IDE: variants seen among roughly 807,000 people sequenced by gnomAD.
The protein encoded by IDE is insulin-degrading enzyme.
Under a neutral mutation model 133.2 loss-of-function variants are expected in IDE, and 58 were observed. The ratio of observed to expected loss-of-function variants is 0.44; its 90% CI spans 0.35 to 0.54. The LOEUF is 0.54. Ranked by LOEUF, IDE falls within the 20% of genes least tolerant of loss-of-function variation. The pLI, the probability that IDE is intolerant of heterozygous loss-of-function variation, is 0.00. For synonymous variants in IDE, 396 were observed against 421.3 expected (o/e 0.94, Z 0.73); for missense variants, 981 against 1,234.0 (o/e 0.79, Z 3.07).
chr10:92,479,200 C>T, intron 15 of IDE, 77 bp downstream of exon 15: 1 of 1,024,386 alleles, frequency 9.8e-7, no homozygotes, highest in Non-Finnish European at 1.4e-6. Flanking sequence ...AACTCACACC[C>T]TCAATCAAAA....
At chr10:92,540,237 T>A (rs1351861843) in intron 1 of IDE, among the ~76,000 whole-genome samples, 1 of 147,254 alleles carries the variant, frequency 6.8e-6, no homozygotes, top group Non-Finnish European at 1.5e-5. Flanking sequence ...AGAGCGAGAC[T>A]CCGTCTCAAA....
intron 1 of IDE, among the ~76,000 whole-genome samples, chr10:92,540,996 G>C (rs930546739): frequency 4.6e-5 from 7 of 152,090 alleles, no homozygotes; most frequent in African/African-American, 1.7e-4. Flanking sequence ...TTATTTGGAC[G>C]CTGAAGTTGT....
intron 1 of IDE, among the ~76,000 whole-genome samples, chr10:92,557,599 T>A (rs909542143): frequency 6.6e-6 from 1 of 150,824 alleles, no homozygotes; most frequent in Non-Finnish European, 1.5e-5. Context: ...TTTGATCAAT[T>A]TATTTTTGAA....
At chr10:92,565,336 T>C (rs1467349408) in intron 1 of IDE, among the ~76,000 whole-genome samples, 3 of 149,280 alleles carry the variant, frequency 2.0e-5, no homozygotes, top group Non-Finnish European at 4.4e-5. Context: ...TGAGAATTGC[T>C]TGAACTCAGG....
chr10:92,539,599 A>C (rs1842196945), intron 1 of IDE, among the ~76,000 whole-genome samples: 1 of 151,880 alleles, frequency 6.6e-6, no homozygotes, highest in Non-Finnish European at 1.5e-5. Context: ...CCCTGTCTCT[A>C]CTAAAAATAC....
Position 92,490,482 on chromosome 10 carries a change from G to A in IDE, c.1533+11C>T, listed in dbSNP as rs1847277244. On this transcript the variant is annotated intron_variant, in intron 12 of 24. Transcript: ENST00000265986. ...ACATGTCAGGCTTATTCATAGATGA[G>A]TTAACCCTACCTTGATGACTTCATC... The A allele has an allele frequency of 1.4e-5, 21 of 1,508,708 alleles. No homozygotes were observed. The highest frequency in any genetic ancestry group is 1.8e-5 in the Non-Finnish European group (20 of 1,085,804). 93.5% of individuals were successfully genotyped at this position (1,508,708 alleles called of 1,614,324 possible). A position where few individuals can be genotyped will look rare whatever the true frequency, so the allele number is the denominator to read the frequency against.
At chr10:92,557,649 G>C (rs905173538) in intron 1 of IDE, among the ~76,000 whole-genome samples, 4 of 152,080 alleles carry the variant, frequency 2.6e-5, no homozygotes, top group African/African-American at 9.7e-5. Flanking sequence ...CAGCACTTTG[G>C]GAGGCCAAGG....
intron 4 of IDE, among the ~76,000 whole-genome samples, chr10:92,523,267 G>C (rs1267597963): frequency 2.0e-5 from 3 of 151,918 alleles, no homozygotes; most frequent in Non-Finnish European, 4.4e-5. Context: ...TTTAATCCCA[G>C]CTACTTCAGA....
chr10:92,477,156 C>T (rs1846304719), intron 15 of IDE, among the ~76,000 whole-genome samples: 2 of 135,342 alleles, frequency 1.5e-5, no homozygotes, highest in South Asian at 5.5e-4. Flanking sequence ...TGGCTTAGCA[C>T]ATTTTTTTTT....
intron 11 of IDE, among the ~76,000 whole-genome samples, chr10:92,494,264 C>T (rs1398108994): frequency 6.8e-6 from 1 of 147,576 alleles, no homozygotes; most frequent in Non-Finnish European, 1.5e-5. Flanking sequence ...AATGAGGTCT[C>T]ACCACGTTGC....
chr10:92,543,486 C>T (rs1842404272), intron 1 of IDE, among the ~76,000 whole-genome samples: 1 of 152,216 alleles, frequency 6.6e-6, no homozygotes, highest in African/African-American at 2.4e-5. Context: ...TAACTTCATA[C>T]ACCAGCTAGA....
At chr10:92,469,136 C>A in intron 18 of IDE, 146 bp from the exon 19 acceptor site, 2 of 598,270 alleles carry the variant, frequency 3.3e-6, no homozygotes, top group South Asian at 2.1e-5. Context: ...TTGAATTTGT[C>A]AGTATGGTCA....
intron 17 of IDE, 163 bp downstream of exon 17, chr10:92,474,678 C>G: frequency 1.7e-6 from 1 of 578,056 alleles, no homozygotes; most frequent in Non-Finnish European, 3.0e-6. Context: ...TTACTGTTAA[C>G]TATAGCCATC....
At position 92,453,225 on chromosome 10, in the gene IDE, A is replaced by G. The variant is rs764465685; in HGVS notation, c.*1219T>C. The stretch of plus-strand genomic sequence containing the variant: ...CTTGAAGCAAGTTTTAATAACAGTA[A>G]ATATTTCAAAACAGCTGTTAAATCT... On this transcript the variant is annotated 3_prime_UTR_variant, in exon 25 of 25. Transcript: ENST00000265986. 2.6e-5 allele frequency: 4 copies of G among 152,196 alleles called. No homozygotes were observed. The highest frequency in any genetic ancestry group is 4.4e-5 in the Non-Finnish European group (3 of 68,032). 9.4% of individuals were successfully genotyped at this position (152,196 alleles called of 1,614,324 possible).
Position 92,537,542 on chromosome 10 carries a change from T to C in IDE, c.107A>G (p.Lys36Arg). 6.3e-7 allele frequency: 1 copy of C among 1,588,684 alleles called. No homozygotes were observed. The highest frequency in any genetic ancestry group is 8.5e-7 in the Non-Finnish European group (1 of 1,170,930). ...ATTATTCATTTTGCTGTAAGTCTTT[T>C]TTTGGAAACTGAAAAGAAAGAGATT... is the stretch of plus-strand genomic sequence containing the variant. ...PPPERLCGFQ[K>R]KTYSKMNNPA... The change falls in exon 2 of 25, where the codon AAA becomes AGA. Residue 36 changes from lysine to arginine, a missense_variant. Coordinates refer to ENST00000265986, the MANE Select transcript of IDE (RefSeq NM_004969.4).
At chr10:92,530,940 A>G (rs1267576433) in intron 4 of IDE, among the ~76,000 whole-genome samples, 1 of 152,172 alleles carries the variant, frequency 6.6e-6, no homozygotes, top group Non-Finnish European at 1.5e-5. Flanking sequence ...CATAATAGAG[A>G]AGTGAATTTT....
At chr10:92,477,446 C>T (rs539116081) in intron 15 of IDE, among the ~76,000 whole-genome samples, 2 of 152,230 alleles carry the variant, frequency 1.3e-5, no homozygotes, top group African/African-American at 2.4e-5. Context: ...CGTGAGCCAC[C>T]GTGCCCAGCC....
At chr10:92,459,093 G>C (rs1488288660) in intron 22 of IDE, among the ~76,000 whole-genome samples, 2 of 152,124 alleles carry the variant, frequency 1.3e-5, no homozygotes, top group Non-Finnish European at 2.9e-5. Context: ...GCTCAGTTCT[G>C]AAACTATAGT....
intron 23 of IDE, 45 bp downstream of exon 23, chr10:92,456,314 C>T (rs755635595): frequency 2.2e-6 from 3 of 1,348,444 alleles, no homozygotes; most frequent in Admixed American, 1.7e-5. Flanking sequence ...GGCCAACCAT[C>T]AGATGGCTCA....
Sources: allele counts gnomAD v4.1 joint callset (sites outside exome capture counted in the v4.1 genomes callset), GRCh38; gene constraint gnomAD v4.1.1; transcripts MANE v1.5; gene names NCBI Gene and HGNC (gene_info 2026-07-23, HGNC 2026-07-21).